NTRK2: variants seen among roughly 807,000 people sequenced by gnomAD.
NTRK2 encodes neurotrophic receptor tyrosine kinase 2, also known as BDNF/NT-3 growth factors receptor.
In NTRK2, 13 loss-of-function variants were observed where a neutral mutation model predicts 94.5. The observed-to-expected ratio is 0.14, with a 90% CI of 0.09 to 0.22. The LOEUF is 0.22. Ranked by LOEUF, NTRK2 falls within the 10% of genes least tolerant of loss-of-function variation. The pLI is 1.00. For synonymous variants in NTRK2, 372 were observed against 407.4 expected (o/e 0.91, Z 1.05); for missense variants, 639 against 1,071.2 (o/e 0.60, Z 5.63).
intron 14 of NTRK2, among the ~76,000 whole-genome samples, chr9:84,914,393 A>G (rs1032205285): frequency 3.9e-4 from 59 of 152,116 alleles, no homozygotes; most frequent in African/African-American, 1.3e-3. Context: ...ATGATGACTG[A>G]TTTTTCCTTA....
chr9:84,890,922 T>A (rs949822334), intron 14 of NTRK2, among the ~76,000 whole-genome samples: 2 of 152,234 alleles, frequency 1.3e-5, no homozygotes, highest in African/African-American at 4.8e-5. Context: ...TCTTCAATTG[T>A]AATATATCTT....
chr9:84,985,861 GT>G (rs1287740589), intron 17 of NTRK2, among the ~76,000 whole-genome samples: 1 of 152,178 alleles, frequency 6.6e-6, no homozygotes, highest in Admixed American at 6.5e-5. Flanking sequence ...GTGTTCCTCT[GT>G]TCACAGGTGA....
chr9:84,944,784 G>T (rs919528408), intron 15 of NTRK2, among the ~76,000 whole-genome samples: 8 of 152,318 alleles, frequency 5.3e-5, no homozygotes, highest in Middle Eastern at 3.4e-3. Context: ...GACCTTCTTG[G>T]ATTCTTACGT....
chr9:84,962,531 G>A (rs1250475953), intron 17 of NTRK2, among the ~76,000 whole-genome samples: 1 of 151,972 alleles, frequency 6.6e-6, no homozygotes, highest in East Asian at 1.9e-4. Context: ...GAAATCACTA[G>A]CCCCTATACT....
chr9:84,950,167 A>C (rs1364792080), intron 16 of NTRK2, among the ~76,000 whole-genome samples: 1 of 152,236 alleles, frequency 6.6e-6, no homozygotes, highest in East Asian at 1.9e-4. Context: ...GGGAACGTTC[A>C]ATAAGCAGAC....
At chr9:84,794,541 T>C (rs950077674) in intron 12 of NTRK2, among the ~76,000 whole-genome samples, 6 of 152,252 alleles carry the variant, frequency 3.9e-5, no homozygotes, top group African/African-American at 1.4e-4. Flanking sequence ...TCAGCGGTTT[T>C]CTCATCTCCA....
At position 84,882,719 on chromosome 9, in the gene NTRK2, T is replaced by TGCGCGCGCGCGCGC. The variant is rs1554762159; in HGVS notation, c.1633+15289_1633+15302dup. ...TCTAGTGTGTGTGTGTGTGTGTGTG[T>TGCGCGCGCGCGCGC]GCGCGCGCGCGCGCATGTGTGCATT... On this transcript the variant is annotated intron_variant, in intron 14 of 18. Coordinates refer to ENST00000277120, the MANE Select transcript of NTRK2 (RefSeq NM_006180.6). Among the ~76,000 whole-genome samples, 416 of 145,786 alleles carry TGCGCGCGCGCGCGC rather than the reference T, an allele frequency of 2.9e-3. 2 individuals carry two copies. Among genetic ancestry groups the TGCGCGCGCGCGCGC allele is most frequent in the African/African-American group, 6.6e-3 (249 of 37,950 alleles).
At chr9:84,790,765 A>G (rs999944638) in intron 12 of NTRK2, among the ~76,000 whole-genome samples, 1 of 152,194 alleles carries the variant, frequency 6.6e-6, no homozygotes, top group African/African-American at 2.4e-5. Context: ...ATCTACCACA[A>G]AATTTTCAGT....
At position 84,923,053 on chromosome 9, in the gene NTRK2, C is replaced by T. The variant is rs577878166; in HGVS notation, c.1634-11109C>T. 5.2e-4 allele frequency among the ~76,000 whole-genome samples: 79 copies of T among 152,312 alleles called. 1 individual carries two copies. Among genetic ancestry groups the T allele is most frequent in the African/African-American group, 1.9e-3 (77 of 41,562 alleles). The stretch of plus-strand genomic sequence containing the variant: ...AAAAATATTGCCTGTGACCCTCCAC[C>T]TTTCAGACATTGGCCATGTATCAGT... On this transcript the variant is annotated intron_variant, in intron 14 of 18. Transcript: ENST00000277120.
chr9:84,834,924 TC>T (rs1402993321), intron 12 of NTRK2, among the ~76,000 whole-genome samples: 1 of 152,208 alleles, frequency 6.6e-6, no homozygotes, highest in African/African-American at 2.4e-5. Flanking sequence ...CTGGTCCAGC[TC>T]ATGCAACAAA....
intron 4 of NTRK2, among the ~76,000 whole-genome samples, chr9:84,704,793 A>G (rs1193058742): frequency 1.3e-5 from 2 of 152,252 alleles, no homozygotes; most frequent in African/African-American, 4.8e-5. Context: ...AGCTTCATAT[A>G]GTCACAGGAC....
At chr9:84,965,402 G>T (rs888701612) in intron 17 of NTRK2, among the ~76,000 whole-genome samples, 1 of 152,206 alleles carries the variant, frequency 6.6e-6, no homozygotes, top group Non-Finnish European at 1.5e-5. Flanking sequence ...GAATCACTCT[G>T]ATACTAGGCA....
chr9:84,787,124 C>A (rs2068198034), intron 12 of NTRK2, among the ~76,000 whole-genome samples: 1 of 151,804 alleles, frequency 6.6e-6, no homozygotes. Context: ...ATGGTGAAAC[C>A]CCGTCTCTAC....
At chr9:84,686,815 A>C (rs537737183) in intron 2 of NTRK2, among the ~76,000 whole-genome samples, 1 of 152,342 alleles carries the variant, frequency 6.6e-6, no homozygotes, top group South Asian at 2.1e-4. Context: ...AAAACTCATC[A>C]AAAAACCCAA....
At chr9:84,813,931 A>G (rs568216287) in intron 12 of NTRK2, 3 of 1,065,530 alleles carry the variant, frequency 2.8e-6, no homozygotes, top group Non-Finnish European at 3.4e-6. Context: ...CTGCTGAGCT[A>G]GACTAAGGAA....
intron 17 of NTRK2, among the ~76,000 whole-genome samples, chr9:85,008,157 G>A (rs1229016229): frequency 2.0e-5 from 3 of 151,916 alleles, no homozygotes; most frequent in Non-Finnish European, 4.4e-5. Flanking sequence ...GGAACTGACA[G>A]CATCACTAGA....
chr9:85,000,451 G>A (rs1013613687), intron 17 of NTRK2, among the ~76,000 whole-genome samples: 6 of 151,972 alleles, frequency 3.9e-5, no homozygotes, highest in Admixed American at 6.6e-5. Context: ...TACTGTCTCC[G>A]TCGTTCTGGC....
chr9:84,850,591 C>T (rs888783746), intron 12 of NTRK2, among the ~76,000 whole-genome samples: 7 of 152,170 alleles, frequency 4.6e-5, no homozygotes, highest in Admixed American at 3.9e-4. Context: ...GACCTCAAGA[C>T]GGTCCAATCA....
rs1466393977 is a variant in NTRK2 at position 84,889,223 on chromosome 9, C to G, written c.1633+21792C>G. On this transcript the variant is annotated intron_variant, in intron 14 of 18. Transcript: ENST00000277120. ...GCCAGGATGGTCTCGATCTCCTGAC[C>G]TCGTGATCCGCCCGCCTCGGCCTCC... Among the ~76,000 whole-genome samples, 10 of 149,810 alleles carry G rather than the reference C, an allele frequency of 6.7e-5. 1 individual carries two copies. Among genetic ancestry groups the G allele is most frequent in the Admixed American group, 5.0e-4 (7 of 14,102 alleles).
Sources: gnomAD v4.1 joint callset for allele counts (sites outside exome capture counted in the v4.1 genomes callset) on GRCh38, gnomAD v4.1.1 for gene constraint, MANE v1.5 for transcripts, NCBI Gene and HGNC (gene_info 2026-07-23, HGNC 2026-07-21) for gene names.